Variants in MTTP observed in about 807,000 individuals in gnomAD.
The protein encoded by MTTP is microsomal triglyceride transfer protein large subunit.
Under a neutral mutation model 90.6 loss-of-function variants are expected in MTTP, and 49 were observed. The observed-to-expected ratio is 0.54, with a 90% confidence interval of 0.43 to 0.69. MTTP has a LOEUF of 0.69. Ranked by LOEUF, MTTP falls within the 30% of genes least tolerant of loss-of-function variation. The probability of loss-of-function intolerance (pLI) is 0.00; values close to 1 mark genes in which losing one functional copy is unlikely to be tolerated. For missense variants in MTTP, 945 were observed against 1,067.5 expected, an observed-to-expected ratio of 0.89 and a Z score of 1.60; for synonymous variants, 347 against 384.2, an observed-to-expected ratio of 0.90 and a Z score of 1.13.
At chr4:99,574,820 G>A, upstream of MTTP, 1 of 1,612,976 alleles carries the variant, frequency 6.2e-7, no homozygotes, top group Non-Finnish European at 8.5e-7. Flanking sequence ...TTCTGAAGAG[G>A]GTCACTCCCT....
At chr4:99,566,155 G>T (rs567444593) in intron 1 of MTTP, among the ~76,000 whole-genome samples, 74 of 152,130 alleles carry the variant, frequency 4.9e-4, no homozygotes, top group East Asian at 5.8e-4. Flanking sequence ...CGGGCGTGGT[G>T]GCGGGCGCCT....
rs532882509 is a variant in MTTP, at chr4:99,608,651, G to T, written c.1558-115G>T. 2.0e-4 allele frequency: 168 copies of T among 852,810 alleles called. No homozygotes were observed. In the African/African-American group the frequency reaches 2.6e-3, roughly 13 times the overall value. The allele number at this position is 852,810 out of a possible 1,614,324, so 52.8% of individuals were successfully genotyped here. Reference sequence around the variant, plus strand: ...CCCCACCAAATCACAAAGGAATCTGGGAAATGTAGTAACACATGTATATTT... The same window carrying T: ...CCCCACCAAATCACAAAGGAATCTGTGAAATGTAGTAACACATGTATATTT... On this transcript the variant is annotated intron_variant, in intron 11 of 17. Coordinates refer to ENST00000265517, the MANE Select transcript of MTTP (RefSeq NM_001386140.1).
At position 99,619,651 on chromosome 4, in the gene MTTP, C is replaced by A. The variant is rs532177955; in HGVS notation, c.2342+553C>A. Among the ~76,000 whole-genome samples, 46 of 152,178 alleles carry A rather than the reference C, an allele frequency of 3.0e-4. 2 individuals are homozygous for A. Among genetic ancestry groups the A allele is most frequent in the African/African-American group, 1.1e-3 (46 of 41,552 alleles). On this transcript the variant is annotated intron_variant, in intron 16 of 17. Coordinates refer to ENST00000265517, the MANE Select transcript of MTTP (RefSeq NM_001386140.1). ...CTAGTGTGAAGATGAAAATTATTAG[C>A]CTTCTGTTACAGAATTTTTAAAAAG...
intron 15 of MTTP, among the ~76,000 whole-genome samples, chr4:99,615,416 G>A (rs928727062): frequency 6.6e-6 from 1 of 152,198 alleles, no homozygotes; most frequent in African/African-American, 2.4e-5. Flanking sequence ...TATTCACTAA[G>A]CTAGGGCAGC....
upstream of MTTP, among the ~76,000 whole-genome samples, chr4:99,572,513 T>C (rs922414148): frequency 2.6e-5 from 4 of 152,052 alleles, no homozygotes; most frequent in South Asian, 8.3e-4. Context: ...AGTCCTAATA[T>C]CACTTCAGTA....
intron 15 of MTTP, among the ~76,000 whole-genome samples, chr4:99,614,070 G>A (rs1461533408): frequency 6.6e-6 from 1 of 152,238 alleles, no homozygotes; most frequent in Admixed American, 6.5e-5. Context: ...GAATATATAA[G>A]GAGATTGAAA....
intron 1 of MTTP, among the ~76,000 whole-genome samples, chr4:99,575,899 T>G (rs1206238033): frequency 6.6e-6 from 1 of 152,220 alleles, no homozygotes; most frequent in Non-Finnish European, 1.5e-5. Context: ...AATTCACTTA[T>G]AAACTTATAA....
chr4:99,596,946 G>A, intron 7 of MTTP, 121 bp from the exon 8 acceptor site: 1 of 1,298,018 alleles, frequency 7.7e-7, no homozygotes, highest in Non-Finnish European at 1.1e-6. Flanking sequence ...TTGAGGTAAG[G>A]TACAAAAAGC....
chr4:99,595,068 AAT>A (rs1725522496), intron 7 of MTTP, among the ~76,000 whole-genome samples, 185 bp downstream of exon 7: 1 of 152,176 alleles, frequency 6.6e-6, no homozygotes, highest in Non-Finnish European at 1.5e-5. Flanking sequence ...ATAATTAACA[AAT>A]AGTTACCATT....
chr4:99,608,742 T>C, intron 11 of MTTP, 24 bp from the exon 12 acceptor site: 5 of 1,564,556 alleles, frequency 3.2e-6, no homozygotes, highest in Non-Finnish European at 4.4e-6. Context: ...AGATGTGCAC[T>C]AAGTTTGAAC....
At chr4:99,602,294 G>A (rs577544141) in intron 10 of MTTP, among the ~76,000 whole-genome samples, 10 of 151,852 alleles carry the variant, frequency 6.6e-5, no homozygotes, top group South Asian at 2.1e-4. Context: ...CAATTTTCAC[G>A]TCTTTCTTAT....
intron 13 of MTTP, 36 bp from the exon 14 acceptor site, chr4:99,611,296 A>C (rs1460407388): frequency 6.2e-7 from 1 of 1,614,018 alleles, no homozygotes; most frequent in Non-Finnish European, 8.5e-7. Context: ...GCATTGCTGG[A>C]ACTGCTATTA....
At chr4:99,619,390 A>T (rs1008775951) in intron 16 of MTTP, among the ~76,000 whole-genome samples, 1 of 152,202 alleles carries the variant, frequency 6.6e-6, no homozygotes, top group Non-Finnish European at 1.5e-5. Context: ...TATTCCACCA[A>T]GAGAAGAAAT....
intron 8 of MTTP, among the ~76,000 whole-genome samples, chr4:99,599,603 A>C (rs543813759): frequency 6.4e-4 from 98 of 152,316 alleles, no homozygotes; most frequent in Non-Finnish European, 1.3e-3. Flanking sequence ...AATGTTTTAC[A>C]GAGATAACAT....
chr4:99,589,755 T>C lies in MTTP; in HGVS notation c.501+5T>C, dbSNP rs1725369295. On this transcript the variant is annotated splice_donor_5th_base_variant and intron_variant, in intron 4 of 17. Transcript: ENST00000265517. ...AGCTCTGGAACCACCAATGAGGTAC[T>C]TACCAATATTAATAAGGATTCAGCA... The C allele has an allele frequency of 6.7e-7, 1 of 1,485,552 alleles. No homozygotes were observed. The highest frequency in any genetic ancestry group is 9.4e-7 in the Non-Finnish European group (1 of 1,065,026). The allele number at this position is 1,485,552 out of a possible 1,614,324, so 92.0% of individuals were successfully genotyped here. A position where few individuals can be genotyped will look rare whatever the true frequency, so the allele number is the denominator to read the frequency against.
At chr4:99,605,976 AT>A (rs1324122260) in intron 10 of MTTP, among the ~76,000 whole-genome samples, 1 of 151,980 alleles carries the variant, frequency 6.6e-6, no homozygotes, top group East Asian at 1.9e-4. Context: ...AAAACCCTTT[AT>A]TTTTAAAAAA....
chr4:99,590,413 T>C (rs1397081893), intron 4 of MTTP, among the ~76,000 whole-genome samples: 1 of 152,152 alleles, frequency 6.6e-6, no homozygotes, highest in Non-Finnish European at 1.5e-5. Flanking sequence ...TTAACAGTCT[T>C]TGTGGATTAT....
Position 99,612,522 on chromosome 4 carries a change from G to A in MTTP, c.1990-391G>A, listed in dbSNP as rs141438667. On this transcript the variant is annotated intron_variant, in intron 14 of 17. Transcript: ENST00000265517. ...AGATGCTCTGCAAGACAGCTGATGCGTTGTATATGACAGTCCTGGAAAGAC... is the reference window on the plus strand; with the variant it reads ...AGATGCTCTGCAAGACAGCTGATGCATTGTATATGACAGTCCTGGAAAGAC... Among the ~76,000 whole-genome samples the A allele has an allele frequency of 5.3e-5, 8 of 152,166 alleles. No individual in the cohort carries two copies. The East Asian group carries it at 5.8e-4, about 11-fold the overall frequency.
rs1725880913 is a variant in MTTP at position 99,608,795 on chromosome 4, C to T, written c.1587C>T (p.His529=). 3 of 1,614,098 alleles carry T rather than the reference C, an allele frequency of 1.9e-6. No homozygotes were observed. Among genetic ancestry groups the T allele is most frequent in the Non-Finnish European group, 2.5e-6 (3 of 1,179,984 alleles). ...AGAAGACCTTAAACAGAATATACCA[C>T]CAAAACCGTAAAGTTCATGAAAAGA... is the stretch of plus-strand genomic sequence containing the variant. ...EVKKTLNRIY[H]QNRKVHEKTV... is the part of the protein sequence containing the mutation. Residue 529 remains histidine, a synonymous_variant, in exon 12 of 18, where the codon CAC becomes CAT. Coordinates refer to ENST00000265517, the MANE Select transcript of MTTP (RefSeq NM_001386140.1).
Sources: gnomAD v4.1 joint callset for allele counts (sites outside exome capture counted in the v4.1 genomes callset) on GRCh38, gnomAD v4.1.1 for gene constraint, MANE v1.5 for transcripts, NCBI Gene and HGNC (gene_info 2026-07-23, HGNC 2026-07-21) for gene names.